Variants in MGAT4C observed in about 807,000 individuals in gnomAD.
The protein encoded by MGAT4C is alpha-1,3-mannosyl-glycoprotein 4-beta-N-acetylglucosaminyltransferase C.
MGAT4C carries 19 observed loss-of-function variants against 40.1 expected under a neutral mutation model. That is an observed-to-expected ratio of 0.47 (90% CI 0.33 to 0.70). The LOEUF (loss-of-function observed/expected upper bound fraction) is 0.70. Ranked by LOEUF, MGAT4C falls within the 30% of genes least tolerant of loss-of-function variation. The pLI, the probability that MGAT4C is intolerant of heterozygous loss-of-function variation, is 0.02. For missense variants in MGAT4C, 491 were observed against 563.2 expected, an observed-to-expected ratio of 0.87 and a Z score of 1.30; for synonymous variants, 181 against 187.1, an observed-to-expected ratio of 0.97 and a Z score of 0.27.
intron 2 of MGAT4C, chr12:86,599,468 A>G (rs1961678812): frequency 6.6e-6 from 1 of 152,190 alleles, no homozygotes; most frequent in Non-Finnish European, 1.5e-5. Flanking sequence ...AACATTTTAA[A>G]ACATTTTAAA....
intron 4 of MGAT4C, among the ~76,000 whole-genome samples, chr12:85,982,175 T>C (rs768212077): frequency 3.2e-4 from 48 of 152,070 alleles, no homozygotes; most frequent in Non-Finnish European, 4.1e-4. Flanking sequence ...TCATGGTTTT[T>C]TTGTTTTTGT....
intron 2 of MGAT4C, among the ~76,000 whole-genome samples, chr12:86,636,492 G>A (rs985961057): frequency 6.6e-6 from 1 of 151,906 alleles, no homozygotes; most frequent in Admixed American, 6.6e-5. Flanking sequence ...ATAAGATGAG[G>A]TCATAAAGGC....
intron 1 of MGAT4C, among the ~76,000 whole-genome samples, chr12:86,166,905 C>G (rs572912942): frequency 2.0e-5 from 3 of 152,080 alleles, no homozygotes; most frequent in African/African-American, 7.2e-5. Flanking sequence ...AGACAGCCAA[C>G]TTGAAATATT....
chr12:86,646,482 A>G (rs1963546269), intron 2 of MGAT4C, among the ~76,000 whole-genome samples: 1 of 151,952 alleles, frequency 6.6e-6, no homozygotes, highest in Admixed American at 6.6e-5. Context: ...CAGAAACACT[A>G]TTATAATTCA....
intron 1 of MGAT4C, among the ~76,000 whole-genome samples, chr12:86,182,819 A>G (rs968592837): frequency 6.6e-6 from 1 of 152,152 alleles, no homozygotes; most frequent in African/African-American, 2.4e-5. Flanking sequence ...AGTGAGAGCT[A>G]CAGGATTATC....
intron 1 of MGAT4C, among the ~76,000 whole-genome samples, chr12:86,123,240 A>G (rs1233903194): frequency 2.6e-5 from 4 of 152,134 alleles, no homozygotes; most frequent in Admixed American, 2.6e-4. Flanking sequence ...TAACTGTCAA[A>G]GTTTAGTCAG....
At chr12:86,680,691 T>C (rs908176313) in intron 2 of MGAT4C, among the ~76,000 whole-genome samples, 2 of 152,052 alleles carry the variant, frequency 1.3e-5, no homozygotes, top group African/African-American at 4.8e-5. Context: ...ATTTTTCCGA[T>C]GTGGAAGAAA....
At chr12:86,128,496 A>C (rs1244722451) in intron 1 of MGAT4C, among the ~76,000 whole-genome samples, 1 of 152,084 alleles carries the variant, frequency 6.6e-6, no homozygotes, top group Non-Finnish European at 1.5e-5. Context: ...TCCTGCCATG[A>C]TTCTGAGGAC....
chr12:86,320,014 T>C (rs1407396165), intron 4 of MGAT4C, among the ~76,000 whole-genome samples: 2 of 152,268 alleles, frequency 1.3e-5, no homozygotes, highest in Non-Finnish European at 2.9e-5. Flanking sequence ...TGTTTTTCTT[T>C]TGGAATACTG....
At chr12:86,103,131 G>GA (rs1361870557) in intron 1 of MGAT4C, among the ~76,000 whole-genome samples, 1 of 152,116 alleles carries the variant, frequency 6.6e-6, no homozygotes, top group Non-Finnish European at 1.5e-5. Context: ...TACCTTGACT[G>GA]ACTTAGATAA....
At chr12:86,597,347 G>A (rs1167103687) in intron 2 of MGAT4C, among the ~76,000 whole-genome samples, 1 of 152,100 alleles carries the variant, frequency 6.6e-6, no homozygotes, top group East Asian at 1.9e-4. Context: ...AGCCCAGGGG[G>A]AACCGAAACC....
At chr12:86,368,926 A>T (rs1256584735) in intron 3 of MGAT4C, among the ~76,000 whole-genome samples, 3 of 151,814 alleles carry the variant, frequency 2.0e-5, no homozygotes, top group African/African-American at 7.3e-5. Flanking sequence ...CTGTTTCCTT[A>T]TTGATTTTCT....
chr12:86,637,814 T>C (rs933048705), intron 2 of MGAT4C, among the ~76,000 whole-genome samples: 4 of 151,960 alleles, frequency 2.6e-5, no homozygotes, highest in African/African-American at 9.7e-5. Flanking sequence ...ACCCACGTTA[T>C]CTACATACAT....
intron 2 of MGAT4C, chr12:86,013,726 C>T (rs896917221): frequency 9.2e-6 from 9 of 983,380 alleles, no homozygotes; most frequent in East Asian, 1.1e-4. Flanking sequence ...AAAGAACATA[C>T]GGCTTTTCTA....
chr12:86,449,593 C>T (rs1322257144), intron 2 of MGAT4C, among the ~76,000 whole-genome samples: 1 of 152,054 alleles, frequency 6.6e-6, no homozygotes, highest in Non-Finnish European at 1.5e-5. Flanking sequence ...CCCAACGACT[C>T]GGTGGTAACG....
At chr12:86,683,379 C>CTGAA (rs1387367662) in intron 2 of MGAT4C, among the ~76,000 whole-genome samples, 1 of 152,088 alleles carries the variant, frequency 6.6e-6, no homozygotes, top group Non-Finnish European at 1.5e-5. Context: ...GTCAAAACTT[C>CTGAA]TGAACTTTAC....
chr12:86,587,274 A>G lies in MGAT4C; in HGVS notation c.-229+139935T>C, dbSNP rs927510598. ...GATCAGATAGTTGTAGATATGCGGC[A>G]TTATTTCTGAGGACTCTGTTCTGTT... is the stretch of plus-strand genomic sequence containing the variant. On this transcript the variant is annotated intron_variant, in intron 2 of 7. Transcript: ENST00000548651. Among the ~76,000 whole-genome samples, 27 of 151,948 alleles carry G rather than the reference A, an allele frequency of 1.8e-4. No homozygotes were observed. In the Middle Eastern group the frequency reaches 0.014, roughly 77 times the overall value.
At chr12:86,225,184 G>A (rs1030136387) in intron 1 of MGAT4C, among the ~76,000 whole-genome samples, 3 of 151,946 alleles carry the variant, frequency 2.0e-5, no homozygotes, top group African/African-American at 7.2e-5. Context: ...TAACAAACTG[G>A]AAAACCTAGA....
intron 2 of MGAT4C, among the ~76,000 whole-genome samples, chr12:86,481,070 C>G (rs748581400): frequency 1.3e-5 from 2 of 151,866 alleles, no homozygotes; most frequent in East Asian, 3.9e-4. Flanking sequence ...GTGATCATAA[C>G]AAACATCAAA....
Sources: allele counts gnomAD v4.1 joint callset (sites outside exome capture counted in the v4.1 genomes callset), GRCh38; gene constraint gnomAD v4.1.1; transcripts MANE v1.5; gene names NCBI Gene and HGNC (gene_info 2026-07-23, HGNC 2026-07-21).